Variants in PPM1L observed in about 807,000 individuals in gnomAD.
The protein encoded by PPM1L is protein phosphatase 1L.
In PPM1L, 13 loss-of-function variants were observed where a neutral mutation model predicts 31.4. The observed-to-expected ratio is 0.41, with a 90% CI of 0.27 to 0.66. The LOEUF is 0.66. PPM1L is among the 30% of genes least tolerant of loss of function. The pLI is 0.29. For missense variants in PPM1L, 326 were observed against 453.7 expected (o/e 0.72, Z 2.56); for synonymous variants, 184 against 175.4 (o/e 1.05, Z -0.39).
In PPM1L at chr3:160,808,416, T is replaced by TGCGTGC. The variant is rs1188215524; in HGVS notation, c.399+51710_399+51711insCGTGCG. ...GTGTGTGTGTGTGTGTGTGTGTGTG[T>TGCGTGC]GTGTGTGGTGGGTGAGGGAAGCTGG... On this transcript the variant is annotated intron_variant, in intron 1 of 3. Coordinates refer to ENST00000498165, the MANE Select transcript of PPM1L (RefSeq NM_139245.4). Among the ~76,000 whole-genome samples, 208 of 129,302 alleles carry TGCGTGC rather than the reference T, an allele frequency of 1.6e-3. 4 individuals are homozygous for TGCGTGC. Among genetic ancestry groups the TGCGTGC allele is most frequent in the East Asian group, 2.0e-3 (9 of 4,428 alleles). 84.8% of individuals were successfully genotyped at this position (129,302 alleles called of 152,430 possible).
intron 2 of PPM1L, among the ~76,000 whole-genome samples, chr3:161,047,090 G>A (rs1237135974): frequency 6.6e-6 from 1 of 152,078 alleles, no homozygotes; most frequent in African/African-American, 2.4e-5. Flanking sequence ...TTCTGGCCAG[G>A]GCAATCAGGC....
intron 1 of PPM1L, among the ~76,000 whole-genome samples, chr3:160,797,297 C>T (rs915860595): frequency 3.9e-5 from 6 of 152,174 alleles, no homozygotes; most frequent in Non-Finnish European, 8.8e-5. Flanking sequence ...CCATGAATCA[C>T]ACCCATAGAA....
At chr3:160,851,256 T>C (rs1711510996) in intron 1 of PPM1L, among the ~76,000 whole-genome samples, 1 of 152,218 alleles carries the variant, frequency 6.6e-6, no homozygotes, top group African/African-American at 2.4e-5. Context: ...TGTCTGCTTC[T>C]GATTTATCTG....
chr3:160,943,732 G>C (rs1715230506), intron 1 of PPM1L, among the ~76,000 whole-genome samples: 1 of 152,128 alleles, frequency 6.6e-6, no homozygotes, highest in Admixed American at 6.6e-5. Flanking sequence ...CCAGCCACCT[G>C]TCTTCTGAAG....
At chr3:161,011,213 C>A (rs976558048) in intron 2 of PPM1L, among the ~76,000 whole-genome samples, 1 of 152,172 alleles carries the variant, frequency 6.6e-6, no homozygotes, top group Non-Finnish European at 1.5e-5. Flanking sequence ...AGGAAGGTAT[C>A]CAGTTTCAGC....
At chr3:161,000,441 T>C (rs974785541) in intron 2 of PPM1L, among the ~76,000 whole-genome samples, 2 of 151,926 alleles carry the variant, frequency 1.3e-5, no homozygotes, top group African/African-American at 4.8e-5. Context: ...CATGCATATA[T>C]AAGAAGCTAA....
At chr3:160,941,940 C>G (rs182982157) in intron 1 of PPM1L, among the ~76,000 whole-genome samples, 3 of 152,342 alleles carry the variant, frequency 2.0e-5, no homozygotes, top group Non-Finnish European at 4.4e-5. Flanking sequence ...TACTTTGTAA[C>G]TCAGTTCAGC....
chr3:161,018,673 G>T (rs966845337), intron 2 of PPM1L, among the ~76,000 whole-genome samples: 7 of 152,208 alleles, frequency 4.6e-5, no homozygotes, highest in Admixed American at 4.6e-4. Flanking sequence ...TTATGAAGCT[G>T]ATATAAAATT....
chr3:160,945,043 TA>T (rs1347000770), intron 1 of PPM1L, among the ~76,000 whole-genome samples: 1 of 5,838 alleles, frequency 1.7e-4, no homozygotes, highest in African/African-American at 4.0e-4. Flanking sequence ...ATATAACATA[TA>T]TATTATATAT....
At chr3:160,929,927 AT>A (rs894362864) in intron 1 of PPM1L, among the ~76,000 whole-genome samples, 2 of 152,054 alleles carry the variant, frequency 1.3e-5, no homozygotes, top group Non-Finnish European at 2.9e-5. Context: ...TCACACACAT[AT>A]CCCCTCCAAA....
chr3:160,823,367 GA>G (rs1276740248), intron 1 of PPM1L, among the ~76,000 whole-genome samples: 4 of 124,918 alleles, frequency 3.2e-5, no homozygotes, highest in South Asian at 5.0e-4. Flanking sequence ...ATGTATAAAT[GA>G]TTTTTTTTTT....
At chr3:160,902,931 C>T (rs1413900653) in intron 1 of PPM1L, among the ~76,000 whole-genome samples, 1 of 152,142 alleles carries the variant, frequency 6.6e-6, no homozygotes, top group Non-Finnish European at 1.5e-5. Flanking sequence ...ATATCATTTA[C>T]TCTGAAAAGA....
rs796768427 is a variant in PPM1L, at chr3:160,954,924, TTTCCTTCC to T, written c.400-6781_400-6774del. Reference sequence around the variant, plus strand: ...CCTTCCTTCCTTCCTTCCTTCCTTCTTTCCTTCCTTCCTTCCTTCCTTCCTTCCTTCCT... The same window carrying T: ...CCTTCCTTCCTTCCTTCCTTCCTTCTTTCCTTCCTTCCTTCCTTCCTTCCT... On this transcript the variant is annotated intron_variant, in intron 1 of 3. Transcript: ENST00000498165. Among the ~76,000 whole-genome samples the T allele has an allele frequency of 3.9e-3, 336 of 85,982 alleles. 1 individual carries two copies. The highest frequency in any genetic ancestry group is 0.013 in the South Asian group (24 of 1,858). The allele number at this position is 85,982 out of a possible 152,430, so 56.4% of individuals were successfully genotyped here.
chr3:160,810,582 A>G (rs1712775991), intron 1 of PPM1L, among the ~76,000 whole-genome samples: 2 of 152,216 alleles, frequency 1.3e-5, no homozygotes, highest in African/African-American at 4.8e-5. Context: ...AACCAGAAAC[A>G]TTTGGACTTG....
intron 2 of PPM1L, among the ~76,000 whole-genome samples, chr3:161,018,353 AT>A (rs1718143294): frequency 1.3e-5 from 2 of 152,186 alleles, no homozygotes; most frequent in South Asian, 4.1e-4. Flanking sequence ...CTTGAAATGT[AT>A]TTTGTTTATT....
chr3:160,862,549 C>T (rs1711930926), intron 1 of PPM1L, among the ~76,000 whole-genome samples: 1 of 151,998 alleles, frequency 6.6e-6, no homozygotes, highest in African/African-American at 2.4e-5. Flanking sequence ...AGAGAGTTAA[C>T]ATTCATATGG....
intron 1 of PPM1L, among the ~76,000 whole-genome samples, chr3:160,831,530 A>C (rs893293697): frequency 2.6e-5 from 4 of 152,234 alleles, no homozygotes; most frequent in African/African-American, 9.6e-5. Flanking sequence ...CCTCTGCTAC[A>C]CAAAGGCTGG....
At chr3:161,060,656 A>C (rs1366542320) in intron 2 of PPM1L, among the ~76,000 whole-genome samples, 1 of 152,000 alleles carries the variant, frequency 6.6e-6, no homozygotes, top group Non-Finnish European at 1.5e-5. Context: ...TCTGAGGCTT[A>C]AAAGTCAAAT....
chr3:160,762,363 G>A (rs1421211050), intron 1 of PPM1L, among the ~76,000 whole-genome samples: 1 of 152,094 alleles, frequency 6.6e-6, no homozygotes, highest in Admixed American at 6.5e-5. Context: ...CTTTTTGTAT[G>A]GGAATGTAGG....
Sources: gnomAD v4.1 joint callset for allele counts (sites outside exome capture counted in the v4.1 genomes callset) on GRCh38, gnomAD v4.1.1 for gene constraint, MANE v1.5 for transcripts, NCBI Gene and HGNC (gene_info 2026-07-23, HGNC 2026-07-21) for gene names.